FAM110B: variants seen among roughly 807,000 people sequenced by gnomAD.
FAM110B encodes family with sequence similarity 110 member B.
FAM110B carries 6 observed loss-of-function variants against 20.4 expected under a neutral mutation model. That is an observed-to-expected ratio of 0.29 (90% CI 0.16 to 0.58). The LOEUF is 0.58. Among genes scored for constraint, FAM110B ranks in the 20% least tolerant of loss-of-function variants. FAM110B has a pLI of 0.90. For synonymous variants in FAM110B, 226 were observed against 214.1 expected, an observed-to-expected ratio of 1.06 and a Z score of -0.49; for missense variants, 434 against 498.2, an observed-to-expected ratio of 0.87 and a Z score of 1.23.
rs184292920 is a variant in FAM110B, at chr8:58,067,305, C to T, written c.-413-8230C>T. Reference sequence around the variant, plus strand: ...TACAGCAAATGTAAAAAGTACACGTCTGCATTCTGTGAGCCAGGAAGAGTA... The same window carrying T: ...TACAGCAAATGTAAAAAGTACACGTTTGCATTCTGTGAGCCAGGAAGAGTA... On this transcript the variant is annotated intron_variant, in intron 2 of 3. Transcript: ENST00000519262. Among the ~76,000 whole-genome samples the T allele has an allele frequency of 2.9e-3, 440 of 152,306 alleles. 1 individual carries two copies. The highest frequency in any genetic ancestry group is 0.01 in the Middle Eastern group (3 of 294).
chr8:58,141,789 G>A (rs1803749668), intron 3 of FAM110B, among the ~76,000 whole-genome samples: 2 of 152,324 alleles, frequency 1.3e-5, no homozygotes, highest in East Asian at 3.8e-4. Flanking sequence ...TCAACAATGA[G>A]CCACATTCCC....
At chr8:58,065,285 G>C (rs991416050) in intron 2 of FAM110B, among the ~76,000 whole-genome samples, 1 of 152,148 alleles carries the variant, frequency 6.6e-6, no homozygotes, top group African/African-American at 2.4e-5. Context: ...TGAAATGGTA[G>C]ACATTACGCT....
At chr8:58,052,312 A>G (rs1805463489) in intron 2 of FAM110B, among the ~76,000 whole-genome samples, 1 of 152,190 alleles carries the variant, frequency 6.6e-6, no homozygotes, top group South Asian at 2.1e-4. Context: ...GACTCAACAA[A>G]GTTCTGATGC....
chr8:58,061,665 T>C (rs1270383784), intron 2 of FAM110B, among the ~76,000 whole-genome samples: 2 of 152,214 alleles, frequency 1.3e-5, no homozygotes, highest in Non-Finnish European at 2.9e-5. Context: ...TTAATGTCCT[T>C]CACACCACTT....
intron 2 of FAM110B, among the ~76,000 whole-genome samples, chr8:58,045,007 G>T (rs1805291661): frequency 6.6e-6 from 1 of 152,200 alleles, no homozygotes; most frequent in Non-Finnish European, 1.5e-5. Flanking sequence ...CTTTAATTAG[G>T]TAAAAGTCAA....
At chr8:58,022,617 A>C (rs2150569979) in intron 1 of FAM110B, among the ~76,000 whole-genome samples, 1 of 152,348 alleles carries the variant, frequency 6.6e-6, no homozygotes, top group South Asian at 2.1e-4. Context: ...TAAAAAAAGT[A>C]TCCAGTGGAT....
chr8:58,003,328 A>G (rs953513757), intron 1 of FAM110B, among the ~76,000 whole-genome samples: 20 of 152,186 alleles, frequency 1.3e-4, no homozygotes, highest in African/African-American at 4.3e-4. Context: ...AAAGTCATCT[A>G]TGAGAGTTGG....
chr8:58,079,428 G>T (rs944312270), intron 3 of FAM110B, among the ~76,000 whole-genome samples: 10 of 152,122 alleles, frequency 6.6e-5, no homozygotes, highest in Non-Finnish European at 1.5e-4. Context: ...TATTTTTGAG[G>T]ATTTAACACA....
At chr8:58,098,272 G>C (rs1806684480) in intron 3 of FAM110B, among the ~76,000 whole-genome samples, 1 of 152,228 alleles carries the variant, frequency 6.6e-6, no homozygotes, top group Non-Finnish European at 1.5e-5. Flanking sequence ...ATGCAGTCTG[G>C]CTACAGCGGC....
chr8:58,097,517 A>G (rs765365662), intron 3 of FAM110B, among the ~76,000 whole-genome samples: 6 of 152,106 alleles, frequency 3.9e-5, no homozygotes, highest in Non-Finnish European at 7.4e-5. Flanking sequence ...GGAGTTTGTT[A>G]TTACCCACCT....
rs1222741385 is a variant in FAM110B at position 58,146,590 on chromosome 8, C to T, written c.360C>T (p.Ile120=). Residue 120 remains isoleucine (I), a synonymous_variant, in exon 4 of 4, where the codon ATC becomes ATT. Transcript: ENST00000519262. ...AGAGGGAGAACCTGAAGCTGGAGAT[C>T]CTGAAGAACATCATCAATAGCTCCG... ...GVQRENLKLE[I]LKNIINSSEG... The T allele has an allele frequency of 6.2e-7, 1 of 1,614,002 alleles. No individual in the cohort carries two copies. Among genetic ancestry groups the T allele is most frequent in the Admixed American group, 1.7e-5 (1 of 60,016 alleles).
chr8:58,086,058 G>C (rs1806324452), intron 3 of FAM110B, among the ~76,000 whole-genome samples: 1 of 152,186 alleles, frequency 6.6e-6, no homozygotes, highest in Non-Finnish European at 1.5e-5. Context: ...CTGGCTTATA[G>C]GAGGGGCCTA....
At chr8:58,083,933 G>C (rs1414484429) in intron 3 of FAM110B, among the ~76,000 whole-genome samples, 1 of 152,176 alleles carries the variant, frequency 6.6e-6, no homozygotes, top group Non-Finnish European at 1.5e-5. Flanking sequence ...AGAAAATGAT[G>C]AATTTTAGGC....
At chr8:58,065,211 G>A (rs148843539) in intron 2 of FAM110B, among the ~76,000 whole-genome samples, 3 of 152,264 alleles carry the variant, frequency 2.0e-5, no homozygotes, top group Admixed American at 1.3e-4. Flanking sequence ...GTGCAGAGAT[G>A]CATTAAAGGG....
intron 1 of FAM110B, among the ~76,000 whole-genome samples, chr8:58,006,368 A>G (rs1804400646): frequency 6.6e-6 from 1 of 152,200 alleles, no homozygotes; most frequent in Non-Finnish European, 1.5e-5. Context: ...ACTAGAATCA[A>G]CTACAGACAC....
chr8:57,998,154 G>C (rs1585798076), intron 1 of FAM110B, among the ~76,000 whole-genome samples: 1 of 152,164 alleles, frequency 6.6e-6, no homozygotes, highest in African/African-American at 2.4e-5. Context: ...AATGAGAAAA[G>C]GTACGCCACT....
intron 3 of FAM110B, among the ~76,000 whole-genome samples, chr8:58,086,143 CA>C (rs1806329366): frequency 6.6e-6 from 1 of 152,184 alleles, no homozygotes; most frequent in African/African-American, 2.4e-5. Context: ...ACCGAATCTG[CA>C]GCTCTTCTAA....
At chr8:58,087,166 C>T (rs1307892022) in intron 3 of FAM110B, among the ~76,000 whole-genome samples, 1 of 152,206 alleles carries the variant, frequency 6.6e-6, no homozygotes, top group East Asian at 1.9e-4. Context: ...CTGAAGGTTT[C>T]TCTGAACAAA....
intron 3 of FAM110B, among the ~76,000 whole-genome samples, chr8:58,126,273 C>T (rs919223959): frequency 6.6e-6 from 1 of 152,138 alleles, no homozygotes; most frequent in African/African-American, 2.4e-5. Flanking sequence ...TATGGATATA[C>T]CATAGTTTAG....
Sources: allele counts gnomAD v4.1 joint callset (sites outside exome capture counted in the v4.1 genomes callset), GRCh38; gene constraint gnomAD v4.1.1; transcripts MANE v1.5; gene names NCBI Gene and HGNC (gene_info 2026-07-23, HGNC 2026-07-21).